The following C9orf85 variants were observed in gnomAD, a reference collection of about 807,000 sequenced individuals.
C9orf85 encodes the protein chromosome 9 open reading frame 85.
A neutral mutation model predicts 14.9 loss-of-function variants in C9orf85; 16 were observed. That is an observed-to-expected ratio of 1.08 (90% CI 0.73 to 1.63). The LOEUF is 1.63. Among genes scored for constraint, C9orf85 ranks in the 40% most tolerant of loss-of-function variants. C9orf85 has a pLI of 0.00. For missense variants in C9orf85, 172 were observed against 186.1 expected (o/e 0.92, Z 0.44); for synonymous variants, 45 against 56.8 (o/e 0.79, Z 0.93).
At chr9:71,945,979 TAGAGA>T in intron 1 of C9orf85, among the ~76,000 whole-genome samples, 1 of 152,330 alleles carries the variant, frequency 6.6e-6, no homozygotes, top group South Asian at 2.1e-4. Context: ...ATAAAACTAT[TAGAGA>T]AAATACATGA....
At chr9:71,942,273 T>G (rs1180079721) in intron 1 of C9orf85, among the ~76,000 whole-genome samples, 1 of 152,242 alleles carries the variant, frequency 6.6e-6, no homozygotes, top group Non-Finnish European at 1.5e-5. Context: ...CGAGCATCGC[T>G]TACTGTATCA....
At position 71,953,103 on chromosome 9, in the gene C9orf85, C is replaced by T. The variant is rs1408322; in HGVS notation, c.209+5991C>T. On this transcript the variant is annotated intron_variant, in intron 2 of 3. Coordinates refer to ENST00000334731, the MANE Select transcript of C9orf85 (RefSeq NM_182505.5). ...GCTACTGACACACAGTGTAAAGAGACCAGGGATGCTGCTAAACATCCCACA... is the reference window on the plus strand; with the variant it reads ...GCTACTGACACACAGTGTAAAGAGATCAGGGATGCTGCTAAACATCCCACA... Among the ~76,000 whole-genome samples, 773 of 152,110 alleles carry T rather than the reference C, an allele frequency of 5.1e-3. 7 individuals carry two copies. Among genetic ancestry groups the T allele is most frequent in the African/African-American group, 0.017 (705 of 41,488 alleles).
intron 2 of C9orf85, among the ~76,000 whole-genome samples, chr9:71,952,486 T>C (rs923257353): frequency 1.3e-5 from 2 of 152,142 alleles, no homozygotes; most frequent in African/African-American, 4.8e-5. Flanking sequence ...TGCCTCAGCC[T>C]CCCGAGTAGC....
exon 4 of C9orf85, chr9:71,983,243 CT>C (rs1823138571): frequency 6.6e-6 from 1 of 152,242 alleles, no homozygotes; most frequent in Non-Finnish European, 1.5e-5. Flanking sequence ...ATCCGCCCCC[CT>C]AGGCCTCCCA....
intron 1 of C9orf85, among the ~76,000 whole-genome samples, chr9:71,920,752 A>C (rs1189091081): frequency 3.9e-5 from 6 of 152,206 alleles, no homozygotes; most frequent in Non-Finnish European, 8.8e-5. Context: ...TGAAATAAGG[A>C]GGGGATAAAG....
chr9:71,922,781 T>A (rs1827845269), intron 1 of C9orf85, among the ~76,000 whole-genome samples: 1 of 152,208 alleles, frequency 6.6e-6, no homozygotes, highest in African/African-American at 2.4e-5. Context: ...AAGTCTACCC[T>A]CATGGTCAGA....
chr9:71,936,128 T>C (rs1183578397), intron 1 of C9orf85, among the ~76,000 whole-genome samples: 1 of 152,150 alleles, frequency 6.6e-6, no homozygotes, highest in African/African-American at 2.4e-5. Context: ...ATTGTATTGC[T>C]AATTGAGTGA....
chr9:71,922,018 G>A (rs1301991157), intron 1 of C9orf85, among the ~76,000 whole-genome samples: 5 of 151,648 alleles, frequency 3.3e-5, no homozygotes. Flanking sequence ...TTGGCTCACT[G>A]CAACCTCTGC....
intron 3 of C9orf85, among the ~76,000 whole-genome samples, chr9:71,979,048 T>C (rs944703399): frequency 1.0e-5 from 1 of 96,742 alleles, no homozygotes; most frequent in Non-Finnish European, 2.6e-5. Flanking sequence ...AAAAAAAATG[T>C]TTTTTTGCTT....
intron 1 of C9orf85, among the ~76,000 whole-genome samples, chr9:71,943,549 GT>G (rs553584749): frequency 3.4e-5 from 5 of 145,548 alleles, no homozygotes; most frequent in East Asian, 2.0e-4. Context: ...TTTGTTTTTT[GT>G]TTTTTTTTTG....
intron 2 of C9orf85, among the ~76,000 whole-genome samples, chr9:71,970,942 A>G (rs1304230685): frequency 6.6e-6 from 1 of 151,002 alleles, no homozygotes; most frequent in Non-Finnish European, 1.5e-5. Flanking sequence ...TTTAGTAGAG[A>G]TGGGGTTTCA....
chr9:71,940,821 T>TTACCATAA (rs1418640358), intron 1 of C9orf85, among the ~76,000 whole-genome samples: 1 of 152,226 alleles, frequency 6.6e-6, no homozygotes, highest in East Asian at 1.9e-4. Flanking sequence ...TGTCCTTTAA[T>TTACCATAA]TGGTGAATTG....
In C9orf85 at chr9:71,970,127, T is replaced by C. The variant is rs111514345; in HGVS notation, c.210-1378T>C. Among the ~76,000 whole-genome samples the C allele has an allele frequency of 7.4e-3, 1,122 of 152,158 alleles. 15 individuals are homozygous for C. The highest frequency in any genetic ancestry group is 0.025 in the African/African-American group (1,051 of 41,524). The stretch of plus-strand genomic sequence containing the variant: ...GCCCAGCTAATTTTTTTTGTATTAT[T>C]AGTAGGGACGGGGTTTCACCATGTT... On this transcript the variant is annotated intron_variant, in intron 2 of 3. Transcript: ENST00000334731.
At chr9:71,941,866 T>C (rs1821937774) in intron 1 of C9orf85, 1 of 152,168 alleles carries the variant, frequency 6.6e-6, no homozygotes, top group African/African-American at 2.4e-5. Context: ...ATGATGAGTA[T>C]TAAGAAGTGA....
chr9:71,958,272 T>C (rs1055128083), intron 2 of C9orf85, among the ~76,000 whole-genome samples: 1 of 148,260 alleles, frequency 6.7e-6, no homozygotes, highest in African/African-American at 2.5e-5. Context: ...ATAAATTTTT[T>C]TTTTTTTGAG....
At chr9:71,912,803 G>A (rs566807567) in intron 1 of C9orf85, among the ~76,000 whole-genome samples, 1 of 152,272 alleles carries the variant, frequency 6.6e-6, no homozygotes, top group East Asian at 1.9e-4. Flanking sequence ...GGAATCGCTT[G>A]AACCCTGGAG....
chr9:71,954,300 T>G, intron 2 of C9orf85, among the ~76,000 whole-genome samples: 1 of 151,294 alleles, frequency 6.6e-6, no homozygotes, highest in African/African-American at 2.4e-5. Flanking sequence ...TCCTCTAGAC[T>G]GTAGGGAAAA....
chr9:71,911,858 C>T (rs764753087), intron 1 of C9orf85, 22 bp downstream of exon 1: 3 of 1,598,124 alleles, frequency 1.9e-6, no homozygotes, highest in South Asian at 2.2e-5. Flanking sequence ...CCTGTTGCAC[C>T]GTCTTTGACT....
intron 1 of C9orf85, among the ~76,000 whole-genome samples, chr9:71,920,606 CA>C (rs1464746377): frequency 1.3e-5 from 2 of 152,118 alleles, no homozygotes; most frequent in African/African-American, 2.4e-5. Context: ...TCCACACCTG[CA>C]AAAATATTAC....
Sources: allele counts gnomAD v4.1 joint callset (sites outside exome capture counted in the v4.1 genomes callset), GRCh38; gene constraint gnomAD v4.1.1; transcripts MANE v1.5; gene names NCBI Gene and HGNC (gene_info 2026-07-23, HGNC 2026-07-21).